Variants in VKORC1L1 observed in about 807,000 individuals in gnomAD.
VKORC1L1 encodes the protein vitamin K epoxide reductase complex subunit 1-like protein 1.
A neutral mutation model predicts 18.9 loss-of-function variants in VKORC1L1; 2 were observed. The observed-to-expected ratio is 0.11, with a 90% CI of 0.04 to 0.33. The LOEUF is 0.33. Ranked by LOEUF, VKORC1L1 falls within the 10% of genes least tolerant of loss-of-function variation. The pLI, the probability that VKORC1L1 is intolerant of heterozygous loss-of-function variation, is 1.00. For missense variants in VKORC1L1, 123 were observed against 224.1 expected (o/e 0.55, Z 2.88); for synonymous variants, 96 against 100.0 (o/e 0.96, Z 0.24).
At chr7:65,944,774 A>G (rs2115720386) in intron 1 of VKORC1L1, among the ~76,000 whole-genome samples, 1 of 152,116 alleles carries the variant, frequency 6.6e-6, no homozygotes, top group African/African-American at 2.4e-5. Flanking sequence ...AAAATTAGCC[A>G]GGCACGGTGG....
At chr7:65,881,862 G>A (rs1247413780) in intron 1 of VKORC1L1, among the ~76,000 whole-genome samples, 3 of 148,908 alleles carry the variant, frequency 2.0e-5, no homozygotes, top group Non-Finnish European at 3.0e-5. Flanking sequence ...GATGTATCAC[G>A]TGAGGTCAGG....
intron 1 of VKORC1L1, among the ~76,000 whole-genome samples, chr7:65,918,393 T>G (rs1448584316): frequency 6.6e-6 from 1 of 152,228 alleles, no homozygotes; most frequent in East Asian, 1.9e-4. Flanking sequence ...GCAAAGGCAT[T>G]CGTATGACCA....
At chr7:65,878,658 A>G (rs1788871620) in intron 1 of VKORC1L1, among the ~76,000 whole-genome samples, 1 of 152,086 alleles carries the variant, frequency 6.6e-6, no homozygotes, top group South Asian at 2.1e-4. Flanking sequence ...TAATCTCAGC[A>G]CTTTGGGAGG....
intron 1 of VKORC1L1, among the ~76,000 whole-genome samples, chr7:65,909,743 A>C (rs1562992103): frequency 9.6e-6 from 1 of 103,978 alleles, no homozygotes; most frequent in African/African-American, 4.6e-5. Context: ...TGTGTGACGG[A>C]GGCTTGCTCT....
upstream of VKORC1L1, among the ~76,000 whole-genome samples, chr7:65,869,310 A>C (rs1788696624): frequency 6.6e-6 from 1 of 152,130 alleles, no homozygotes; most frequent in African/African-American, 2.4e-5. Context: ...CTAAAAAAAA[A>C]ATTTATAAAA....
intron 1 of VKORC1L1, among the ~76,000 whole-genome samples, chr7:65,890,744 C>G (rs1047734512): frequency 2.0e-5 from 3 of 152,222 alleles, no homozygotes; most frequent in African/African-American, 7.2e-5. Context: ...TTATCCACCT[C>G]TTTGCCAAGG....
intron 1 of VKORC1L1, among the ~76,000 whole-genome samples, chr7:65,939,263 A>G (rs1026641932): frequency 2.0e-5 from 3 of 152,192 alleles, no homozygotes; most frequent in African/African-American, 7.2e-5. Flanking sequence ...TGAAGTAAGG[A>G]AAGTCCAGGT....
chr7:65,873,080 C>A lies in VKORC1L1; in HGVS notation c.-292C>A, dbSNP rs1242373497. Among the ~76,000 whole-genome samples the A allele has an allele frequency of 2.0e-5, 3 of 147,984 alleles. No individual in the cohort carries two copies. The highest frequency in any genetic ancestry group is 3.0e-5 in the Non-Finnish European group (2 of 65,934). ...CGCAGCGCCACGCCGCCTCAGTCTC[C>A]GCCCGCCGATCCGGCCTCTTCGGCC... On this transcript the variant is annotated 5_prime_UTR_variant, in exon 1 of 3. Coordinates refer to ENST00000360768, the MANE Select transcript of VKORC1L1 (RefSeq NM_173517.6).
rs949918191 is a variant in VKORC1L1 at position 65,873,105 on chromosome 7, C to A, written c.-267C>A. On this transcript the variant is annotated 5_prime_UTR_variant, in exon 1 of 3. Coordinates refer to ENST00000360768, the MANE Select transcript of VKORC1L1 (RefSeq NM_173517.6). ...CGCCCGCCGATCCGGCCTCTTCGGCCGTTGCGCACTCCACCCCCTCCCTCC... is the reference window on the plus strand; with the variant it reads ...CGCCCGCCGATCCGGCCTCTTCGGCAGTTGCGCACTCCACCCCCTCCCTCC... Among the ~76,000 whole-genome samples, 9 of 149,670 alleles carry A rather than the reference C, an allele frequency of 6.0e-5. No individual in the cohort carries two copies. Among genetic ancestry groups the A allele is most frequent in the African/African-American group, 2.2e-4 (9 of 41,022 alleles).
intron 1 of VKORC1L1, among the ~76,000 whole-genome samples, chr7:65,926,517 A>G (rs1040826225): frequency 4.6e-5 from 7 of 152,180 alleles, no homozygotes; most frequent in Non-Finnish European, 8.8e-5. Flanking sequence ...AATTAATACA[A>G]CCTCTTTGGA....
At chr7:65,953,001 T>G (rs1790239025) in intron 2 of VKORC1L1, among the ~76,000 whole-genome samples, 1 of 152,032 alleles carries the variant, frequency 6.6e-6, no homozygotes, top group Non-Finnish European at 1.5e-5. Context: ...TTCACCATGT[T>G]GGCCAGGCTG....
chr7:65,915,523 G>A (rs1289869696), intron 1 of VKORC1L1, among the ~76,000 whole-genome samples: 1 of 151,464 alleles, frequency 6.6e-6, no homozygotes, highest in Non-Finnish European at 1.5e-5. Context: ...TGATTCTCCT[G>A]CCTCAGTCTC....
At chr7:65,925,934 G>A (rs1274552283) in intron 1 of VKORC1L1, among the ~76,000 whole-genome samples, 1 of 151,748 alleles carries the variant, frequency 6.6e-6, no homozygotes, top group African/African-American at 2.4e-5. Context: ...GTAGGAGGCT[G>A]GTGGAAATGA....
intron 1 of VKORC1L1, among the ~76,000 whole-genome samples, chr7:65,937,786 G>A (rs944353428): frequency 4.6e-5 from 7 of 152,170 alleles, no homozygotes; most frequent in African/African-American, 1.7e-4. Flanking sequence ...TTTGAGAAAA[G>A]TCTCTAGTAT....
At chr7:65,953,138 T>C (rs1172076644) in intron 2 of VKORC1L1, among the ~76,000 whole-genome samples, 1 of 152,172 alleles carries the variant, frequency 6.6e-6, no homozygotes, top group Non-Finnish European at 1.5e-5. Flanking sequence ...TTAGCACACA[T>C]GTCCACCATT....
chr7:65,882,177 G>T, intron 1 of VKORC1L1, among the ~76,000 whole-genome samples: 1 of 151,342 alleles, frequency 6.6e-6, no homozygotes, highest in Non-Finnish European at 1.5e-5. Flanking sequence ...GTCGGGAGTT[G>T]GAGACCAGCC....
intron 1 of VKORC1L1, among the ~76,000 whole-genome samples, chr7:65,935,723 G>T (rs932894347): frequency 2.4e-4 from 36 of 152,232 alleles, no homozygotes; most frequent in African/African-American, 7.5e-4. Flanking sequence ...GTTTTTAGTA[G>T]TTTGGTTATG....
chr7:65,940,238 T>C (rs1361106083), intron 1 of VKORC1L1, among the ~76,000 whole-genome samples: 10 of 152,256 alleles, frequency 6.6e-5, no homozygotes, highest in East Asian at 5.8e-4. Context: ...TTGCCCAGGC[T>C]GGTCTGGAAT....
At chr7:65,940,766 A>G (rs1790019979) in intron 1 of VKORC1L1, among the ~76,000 whole-genome samples, 1 of 152,268 alleles carries the variant, frequency 6.6e-6, no homozygotes. Context: ...ATATAAATTC[A>G]TAACTCCATG....
Sources: gnomAD v4.1 joint callset for allele counts (sites outside exome capture counted in the v4.1 genomes callset) on GRCh38, gnomAD v4.1.1 for gene constraint, MANE v1.5 for transcripts, NCBI Gene and HGNC (gene_info 2026-07-23, HGNC 2026-07-21) for gene names.